The following PRDM6 variants were observed in gnomAD, a reference collection of about 807,000 sequenced individuals.
PRDM6 encodes putative histone-lysine N-methyltransferase PRDM6.
In PRDM6, 25 loss-of-function variants were observed where a neutral mutation model predicts 60.8. The observed-to-expected ratio is 0.41, with a 90% confidence interval of 0.30 to 0.57. The LOEUF (loss-of-function observed/expected upper bound fraction) is 0.57. Among genes scored for constraint, PRDM6 ranks in the 20% least tolerant of loss-of-function variants. The pLI is 0.27. For synonymous variants in PRDM6, 407 were observed against 357.4 expected, an observed-to-expected ratio of 1.14 and a Z score of -1.57; for missense variants, 839 against 821.3, an observed-to-expected ratio of 1.02 and a Z score of -0.26.
chr5:123,120,657 T>G (rs1206706696), intron 3 of PRDM6, among the ~76,000 whole-genome samples: 1 of 152,246 alleles, frequency 6.6e-6, no homozygotes, highest in Non-Finnish European at 1.5e-5. Flanking sequence ...GGGCATGTAG[T>G]ATGCTGAATA....
intron 3 of PRDM6, among the ~76,000 whole-genome samples, chr5:123,127,723 TCTTTCTTTCCTTCTTTCCTTTCTTTC>T (rs1764725235): frequency 6.6e-6 from 1 of 151,922 alleles, no homozygotes; most frequent in Admixed American, 6.6e-5. Flanking sequence ...TTTCTTTCTT[TCTTTCTTTCCTTCTTTCCTTTCTTTC>T]CTTTCTTTCC....
intron 5 of PRDM6, among the ~76,000 whole-genome samples, chr5:123,163,819 CATATGAA>C: frequency 6.6e-6 from 1 of 152,200 alleles, no homozygotes; most frequent in East Asian, 1.9e-4. Flanking sequence ...TCTGTCTCAG[CATATGAA>C]GCTGAGGTGG....
intron 3 of PRDM6, among the ~76,000 whole-genome samples, chr5:123,121,816 C>CT (rs1764586531): frequency 6.7e-6 from 1 of 149,362 alleles, no homozygotes; most frequent in Non-Finnish European, 1.5e-5. Context: ...TCTTGCATCT[C>CT]TTTTAATATG....
intron 5 of PRDM6, among the ~76,000 whole-genome samples, chr5:123,170,198 C>T (rs1363594272): frequency 1.3e-5 from 2 of 152,138 alleles, no homozygotes; most frequent in Non-Finnish European, 2.9e-5. Context: ...TTACTGCATG[C>T]GACACTCCTC....
chr5:123,138,937 C>T (rs1282062735), intron 3 of PRDM6, among the ~76,000 whole-genome samples: 1 of 152,116 alleles, frequency 6.6e-6, no homozygotes, highest in Admixed American at 6.6e-5. Flanking sequence ...CCTCACGTGT[C>T]GAGGGAGTGA....
At chr5:123,141,768 A>C (rs1044527453) in intron 3 of PRDM6, among the ~76,000 whole-genome samples, 1 of 152,162 alleles carries the variant, frequency 6.6e-6, no homozygotes, top group African/African-American at 2.4e-5. Context: ...AAAACCCACC[A>C]ATAGAAAATA....
rs191134557 is a variant in PRDM6, at chr5:123,189,463, C to T, written c.*2262C>T. ...CGTGGGAGAATGAGAAGGCTTCCCT[C>T]CTCCCTTGATGTCTGGCATGGGAAG... On this transcript the variant is annotated 3_prime_UTR_variant, in exon 8 of 8. Transcript: ENST00000407847. 1 of 152,290 alleles carries T rather than the reference C, an allele frequency of 6.6e-6. No individual in the cohort carries two copies. The highest frequency in any genetic ancestry group is 2.4e-5 in the African/African-American group (1 of 41,554). 9.4% of individuals were successfully genotyped at this position (152,290 alleles called of 1,614,324 possible). A position where few individuals can be genotyped will look rare whatever the true frequency, so the allele number is the denominator to read the frequency against.
intron 3 of PRDM6, among the ~76,000 whole-genome samples, chr5:123,147,508 G>T (rs528358274): frequency 6.6e-6 from 1 of 152,310 alleles, no homozygotes; most frequent in African/African-American, 2.4e-5. Flanking sequence ...AGCCAGTGCC[G>T]TGAAAAATGG....
At chr5:123,156,132 A>AT (rs35231752) in intron 4 of PRDM6, 121 bp downstream of exon 4, 35,135 of 755,886 alleles carry the variant, frequency 0.046, 69 homozygotes, top group South Asian at 0.063. Flanking sequence ...ACTGGCAGAC[A>AT]TTTTTTTTTT....
intron 3 of PRDM6, among the ~76,000 whole-genome samples, chr5:123,101,192 A>G (rs1308310884): frequency 2.0e-5 from 3 of 152,118 alleles, no homozygotes; most frequent in Non-Finnish European, 4.4e-5. Context: ...GGCCAGCACT[A>G]TATTAGGCCA....
rs1258866215 is a variant in PRDM6 at position 123,090,464 on chromosome 5, C to CGGTGGT, written c.456_461dup (p.Gly157_Gly158dup). ...CCTCCGGCCCCGGGCCCGTCAAGTG[C>CGGTGGT]GGTGGTGGTGGCGGCGGCGGCGGGG... On this transcript the variant is annotated inframe_insertion, in exon 2 of 8. Coordinates refer to ENST00000407847, the MANE Select transcript of PRDM6 (RefSeq NM_001136239.4). The CGGTGGT allele has an allele frequency of 2.0e-6, 3 of 1,479,778 alleles. No homozygotes were observed. The highest frequency in any genetic ancestry group is 2.9e-5 in the African/African-American group (2 of 68,008). The allele number at this position is 1,479,778 out of a possible 1,614,324, so 91.7% of individuals were successfully genotyped here.
intron 2 of PRDM6, 87 bp downstream of exon 2, chr5:123,090,693 A>T (rs1763817683): frequency 9.0e-6 from 3 of 333,010 alleles, no homozygotes; most frequent in Non-Finnish European, 1.6e-5. Flanking sequence ...GGCGGGTCGG[A>T]TAGGAGTGAC....
At chr5:123,128,354 A>G (rs981841561) in intron 3 of PRDM6, among the ~76,000 whole-genome samples, 29 of 152,336 alleles carry the variant, frequency 1.9e-4, no homozygotes, top group Admixed American at 3.9e-4. Context: ...ACTGTCTTCC[A>G]CAATGGTTGA....
At chr5:123,154,846 C>T (rs1313059556) in intron 3 of PRDM6, among the ~76,000 whole-genome samples, 5 of 152,170 alleles carry the variant, frequency 3.3e-5, no homozygotes, top group African/African-American at 7.2e-5. Flanking sequence ...GTATGATGGT[C>T]CTTCTGAGAA....
rs975429351 is a variant in PRDM6 at position 123,155,539 on chromosome 5, C to T, written c.901-345C>T. Among the ~76,000 whole-genome samples the T allele has an allele frequency of 5.3e-5, 8 of 152,080 alleles. No individual in the cohort carries two copies. In the East Asian group the frequency reaches 5.8e-4, roughly 11 times the overall value. On this transcript the variant is annotated intron_variant, in intron 3 of 7. Coordinates refer to ENST00000407847, the MANE Select transcript of PRDM6 (RefSeq NM_001136239.4). The stretch of plus-strand genomic sequence containing the variant: ...TGTGGATGTTCCAACAATGTCAGTG[C>T]GGCCTCTCCTTTCAGCTTGCTTTGT...
Position 123,170,761 on chromosome 5 carries a change from C to T in PRDM6, c.1154-5C>T, listed in dbSNP as rs773395147. On this transcript the variant is annotated splice_polypyrimidine_tract_variant and splice_region_variant and intron_variant, in intron 5 of 7. Transcript: ENST00000407847. ...TGTTCTTCTAAACTGTTGCTATTCT[C>T]CTAGTAAATGTCCCTTCAACGGTAA... 53 of 1,538,986 alleles carry T rather than the reference C, an allele frequency of 3.4e-5. No individual in the cohort carries two copies. Among genetic ancestry groups the T allele is most frequent in the Non-Finnish European group, 4.6e-5 (52 of 1,138,200 alleles).
At chr5:123,158,429 T>G (rs1765555967) in intron 4 of PRDM6, among the ~76,000 whole-genome samples, 1 of 152,222 alleles carries the variant, frequency 6.6e-6, no homozygotes, top group South Asian at 2.1e-4. Context: ...CATAGAATGT[T>G]GGGAAAAACA....
At chr5:123,153,332 C>G (rs1475630896) in intron 3 of PRDM6, among the ~76,000 whole-genome samples, 1 of 151,736 alleles carries the variant, frequency 6.6e-6, no homozygotes, top group Non-Finnish European at 1.5e-5. Flanking sequence ...AAATGGTTAA[C>G]AGTGGAGAGA....
At chr5:123,180,789 C>T (rs1239104699) in intron 7 of PRDM6, among the ~76,000 whole-genome samples, 1 of 152,138 alleles carries the variant, frequency 6.6e-6, no homozygotes, top group Non-Finnish European at 1.5e-5. Context: ...GAAATATATC[C>T]TCCTCTTTCC....
Sources: allele counts gnomAD v4.1 joint callset (sites outside exome capture counted in the v4.1 genomes callset), GRCh38; gene constraint gnomAD v4.1.1; transcripts MANE v1.5; gene names NCBI Gene and HGNC (gene_info 2026-07-23, HGNC 2026-07-21).